The following PRKAG2 variants were observed in gnomAD, a reference collection of about 807,000 sequenced individuals.
PRKAG2 encodes protein kinase AMP-activated non-catalytic subunit gamma 2.
Under a neutral mutation model 69.6 loss-of-function variants are expected in PRKAG2, and 26 were observed. The observed-to-expected ratio is 0.37, with a 90% CI of 0.27 to 0.52. PRKAG2 has a LOEUF of 0.52. PRKAG2 is among the 20% of genes least tolerant of loss of function. The pLI, the probability that PRKAG2 is intolerant of heterozygous loss-of-function variation, is 0.90. For missense variants in PRKAG2, 557 were observed against 740.0 expected (o/e 0.75, Z 2.87); for synonymous variants, 293 against 285.0 (o/e 1.03, Z -0.28).
chr7:151,689,898 C>T lies in PRKAG2; in HGVS notation c.467-14261G>A, dbSNP rs2109783. On this transcript the variant is annotated intron_variant, in intron 3 of 15. Coordinates refer to ENST00000287878, the MANE Select transcript of PRKAG2 (RefSeq NM_016203.4). ...CAGCTCCAGGAGCTCTCCTCATTCA[C>T]ATCATGAAGGGAGAGGCAGGGATCG... 7.0e-3 allele frequency among the ~76,000 whole-genome samples: 1,065 copies of T among 152,290 alleles called. 15 individuals are homozygous for T. Among genetic ancestry groups the T allele is most frequent in the African/African-American group, 0.024 (998 of 41,558 alleles).
intron 3 of PRKAG2, among the ~76,000 whole-genome samples, chr7:151,678,607 G>A (rs1833332965): frequency 6.6e-6 from 1 of 152,196 alleles, no homozygotes; most frequent in Non-Finnish European, 1.5e-5. Context: ...AGCAGGAGGA[G>A]AGGGTTAGGA....
chr7:151,856,335 A>C (rs531364673), intron 1 of PRKAG2, among the ~76,000 whole-genome samples: 225 of 152,360 alleles, frequency 1.5e-3, no homozygotes, highest in Non-Finnish European at 2.6e-3. Context: ...AGGCCCGCGC[A>C]GCCGAGGACG....
At chr7:151,711,790 C>T (rs564653890) in intron 3 of PRKAG2, among the ~76,000 whole-genome samples, 5 of 152,334 alleles carry the variant, frequency 3.3e-5, no homozygotes, top group African/African-American at 1.2e-4. Context: ...CTCGGATATG[C>T]AGGTTCCTGA....
At chr7:151,683,005 G>A (rs1834116892) in intron 3 of PRKAG2, among the ~76,000 whole-genome samples, 1 of 152,256 alleles carries the variant, frequency 6.6e-6, no homozygotes, top group South Asian at 2.1e-4. Context: ...TGTTCCTTCT[G>A]AGAAGACATC....
At chr7:151,678,204 C>G (rs1462865361) in intron 3 of PRKAG2, among the ~76,000 whole-genome samples, 1 of 152,220 alleles carries the variant, frequency 6.6e-6, no homozygotes, top group East Asian at 1.9e-4. Flanking sequence ...TAATGACAAA[C>G]TGTTTAACGT....
At chr7:151,671,286 C>T (rs1832005184) in intron 4 of PRKAG2, among the ~76,000 whole-genome samples, 1 of 149,528 alleles carries the variant, frequency 6.7e-6, no homozygotes, top group Non-Finnish European at 1.5e-5. Flanking sequence ...TAAAAATGAT[C>T]TTCATGGTCG....
chr7:151,765,479 C>T (rs146675049), intron 3 of PRKAG2, among the ~76,000 whole-genome samples: 2,136 of 152,266 alleles, frequency 0.014, 31 homozygotes, highest in South Asian at 0.031. Flanking sequence ...CAAACCATAT[C>T]ACCATCTGAA....
rs552517979 is a variant in PRKAG2, at chr7:151,743,519, G to A, written c.466+37633C>T. Among the ~76,000 whole-genome samples the A allele has an allele frequency of 2.2e-4, 33 of 152,280 alleles. No individual in the cohort carries two copies. The South Asian group carries it at 5.2e-3, about 24-fold the overall frequency. On this transcript the variant is annotated intron_variant, in intron 3 of 15. Transcript: ENST00000287878. ...ACTACAAACCTACCTTTGACAACTCGAAAAAGAAAACAGTGTGGAAGAATA... is the reference window on the plus strand; with the variant it reads ...ACTACAAACCTACCTTTGACAACTCAAAAAAGAAAACAGTGTGGAAGAATA...
chr7:151,569,142 C>T (rs540722483), intron 10 of PRKAG2, among the ~76,000 whole-genome samples: 31 of 152,270 alleles, frequency 2.0e-4, no homozygotes, highest in Admixed American at 1.6e-3. Flanking sequence ...CTTGACCTCC[C>T]GGGCTCAGGT....
At chr7:151,656,864 C>T (rs546408228) in intron 4 of PRKAG2, among the ~76,000 whole-genome samples, 176 of 152,156 alleles carry the variant, frequency 1.2e-3, no homozygotes, top group African/African-American at 3.3e-3. Context: ...AGGCCAGGCT[C>T]GGTGGCTCAC....
chr7:151,731,048 T>C (rs1456623277), intron 3 of PRKAG2, among the ~76,000 whole-genome samples: 1 of 152,218 alleles, frequency 6.6e-6, no homozygotes, highest in East Asian at 1.9e-4. Context: ...AGACGCTAAA[T>C]GGTTTTTATT....
chr7:151,745,763 C>CA (rs2074240040), intron 3 of PRKAG2, among the ~76,000 whole-genome samples: 1 of 152,176 alleles, frequency 6.6e-6, no homozygotes, highest in Admixed American at 6.5e-5. Flanking sequence ...ATGCAGCACC[C>CA]AAAGAGTAAG....
chr7:151,713,960 C>T (rs1218848685), intron 3 of PRKAG2, among the ~76,000 whole-genome samples: 1 of 152,158 alleles, frequency 6.6e-6, no homozygotes, highest in East Asian at 1.9e-4. Flanking sequence ...CTGGATCTCA[C>T]CCCAGATCAA....
chr7:151,798,565 T>C (rs892881371), intron 1 of PRKAG2, among the ~76,000 whole-genome samples: 2 of 152,224 alleles, frequency 1.3e-5, no homozygotes, highest in African/African-American at 4.8e-5. Context: ...TATACCTGCC[T>C]TGGCCTCCCA....
At chr7:151,710,297 C>A (rs991726914) in intron 3 of PRKAG2, among the ~76,000 whole-genome samples, 1 of 152,166 alleles carries the variant, frequency 6.6e-6, no homozygotes, top group East Asian at 1.9e-4. Flanking sequence ...TATCTCAGTG[C>A]GTGGCACCCC....
At chr7:151,803,200 T>C (rs781664293) in intron 1 of PRKAG2, among the ~76,000 whole-genome samples, 7 of 152,056 alleles carry the variant, frequency 4.6e-5, no homozygotes, top group African/African-American at 1.7e-4. Flanking sequence ...TCAAGGGATC[T>C]GCCTGCCTCA....
intron 3 of PRKAG2, among the ~76,000 whole-genome samples, chr7:151,693,094 A>G (rs1835961298): frequency 1.3e-5 from 2 of 152,190 alleles, no homozygotes; most frequent in South Asian, 2.1e-4. Flanking sequence ...CTCACCTTCC[A>G]CCAGACTCAG....
At chr7:151,769,031 G>T (rs1323012865) in intron 3 of PRKAG2, among the ~76,000 whole-genome samples, 1 of 152,206 alleles carries the variant, frequency 6.6e-6, no homozygotes, top group Non-Finnish European at 1.5e-5. Flanking sequence ...TGTCCCCCCA[G>T]TGCAGGGAGC....
chr7:151,732,124 A>G (rs1799036696), intron 3 of PRKAG2, among the ~76,000 whole-genome samples: 2 of 138,632 alleles, frequency 1.4e-5, no homozygotes, highest in Admixed American at 1.6e-4. Context: ...CATGAGCCAC[A>G]GCACCTGGCT....
Sources: allele counts gnomAD v4.1 joint callset (sites outside exome capture counted in the v4.1 genomes callset), GRCh38; gene constraint gnomAD v4.1.1; transcripts MANE v1.5; gene names NCBI Gene and HGNC (gene_info 2026-07-23, HGNC 2026-07-21).